Variants in WWOX observed in about 807,000 individuals in gnomAD.
WWOX encodes the protein WW domain containing oxidoreductase.
WWOX carries 69 observed loss-of-function variants against 46.2 expected under a neutral mutation model. That is an observed-to-expected ratio of 1.49 (90% CI 1.23 to 1.82). The LOEUF (loss-of-function observed/expected upper bound fraction) is 1.82, where lower values mean the gene tolerates loss of function less well. Among genes scored for constraint, WWOX ranks in the 40% most tolerant of loss-of-function variants. The pLI is 0.00. For synonymous variants in WWOX, 359 were observed against 202.6 expected (o/e 1.77, Z -6.56); for missense variants, 919 against 542.6 (o/e 1.69, Z -6.89).
chr16:78,584,412 G>T (rs947677989), intron 8 of WWOX, among the ~76,000 whole-genome samples: 1 of 152,112 alleles, frequency 6.6e-6, no homozygotes, highest in African/African-American at 2.4e-5. Context: ...GCAACACGTC[G>T]CTTAATCTCT....
intron 5 of WWOX, among the ~76,000 whole-genome samples, chr16:78,379,422 C>T (rs541327724): frequency 6.6e-6 from 1 of 152,314 alleles, no homozygotes; most frequent in Non-Finnish European, 1.5e-5. Flanking sequence ...ACGTTCAACA[C>T]AGCCATCTAG....
intron 8 of WWOX, among the ~76,000 whole-genome samples, chr16:79,076,972 A>G (rs779238036): frequency 2.6e-5 from 4 of 152,212 alleles, no homozygotes; most frequent in Non-Finnish European, 5.9e-5. Flanking sequence ...TGAGGCTTAA[A>G]GAGGTCAATT....
chr16:78,648,704 C>G (rs2046900219), intron 8 of WWOX, among the ~76,000 whole-genome samples: 1 of 152,174 alleles, frequency 6.6e-6, no homozygotes, highest in African/African-American at 2.4e-5. Flanking sequence ...TCCACAGCCT[C>G]CAATCGGAGC....
At chr16:78,982,975 C>G (rs901553219) in intron 8 of WWOX, among the ~76,000 whole-genome samples, 1 of 152,130 alleles carries the variant, frequency 6.6e-6, no homozygotes. Context: ...GAGAAGCAGT[C>G]TTTGGGGCTG....
intron 5 of WWOX, among the ~76,000 whole-genome samples, chr16:78,314,845 C>T (rs763057942): frequency 6.6e-6 from 1 of 151,948 alleles, no homozygotes; most frequent in East Asian, 1.9e-4. Context: ...AGCCATCACG[C>T]CTGGTGAATG....
intron 8 of WWOX, among the ~76,000 whole-genome samples, chr16:78,796,134 C>T (rs934085873): frequency 2.0e-5 from 3 of 152,232 alleles, no homozygotes; most frequent in Admixed American, 6.5e-5. Flanking sequence ...CGCCCCTTGC[C>T]TTCCTTCCAG....
At chr16:79,188,975 C>T (rs891526009) in intron 8 of WWOX, among the ~76,000 whole-genome samples, 8 of 152,062 alleles carry the variant, frequency 5.3e-5, no homozygotes, top group Non-Finnish European at 8.8e-5. Flanking sequence ...GCATGCAAAT[C>T]TATATTGTGA....
At chr16:78,831,184 G>C (rs965216117) in intron 8 of WWOX, among the ~76,000 whole-genome samples, 4 of 152,132 alleles carry the variant, frequency 2.6e-5, no homozygotes, top group African/African-American at 9.7e-5. Context: ...GACCCTGGCT[G>C]TCTGAGCACC....
At chr16:78,897,273 A>T (rs1597121175) in intron 8 of WWOX, 1 of 150,676 alleles carries the variant, frequency 6.6e-6, no homozygotes, top group African/African-American at 2.4e-5. Context: ...AAAACCAAAA[A>T]AACAAAAACA....
intron 8 of WWOX, among the ~76,000 whole-genome samples, chr16:79,070,976 C>A (rs145032022): frequency 6.6e-6 from 1 of 152,262 alleles, no homozygotes; most frequent in African/African-American, 2.4e-5. Flanking sequence ...CCTCCCTACC[C>A]CCACATACTT....
Position 78,782,665 on chromosome 16 carries a change from T to C in WWOX, c.1056+349913T>C, listed in dbSNP as rs576456205. Among the ~76,000 whole-genome samples the C allele has an allele frequency of 2.0e-5, 3 of 148,904 alleles. No homozygotes were observed. The South Asian group carries it at 6.3e-4, about 32-fold the overall frequency. On this transcript the variant is annotated intron_variant, in intron 8 of 8. Coordinates refer to ENST00000566780, the MANE Select transcript of WWOX (RefSeq NM_016373.4). The stretch of plus-strand genomic sequence containing the variant: ...TTCTTTCCGGTCTTTCTTTTCTATA[T>C]CTTTTTTTTTTTTTTTTTGCATTTT...
intron 8 of WWOX, among the ~76,000 whole-genome samples, chr16:78,924,447 T>C (rs1054893063): frequency 2.0e-5 from 3 of 152,182 alleles, no homozygotes; most frequent in African/African-American, 7.2e-5. Flanking sequence ...AATCCCAGCT[T>C]TGGAGTTAAA....
chr16:78,105,069 G>A (rs541985910), intron 1 of WWOX, among the ~76,000 whole-genome samples: 1 of 152,338 alleles, frequency 6.6e-6, no homozygotes, highest in East Asian at 1.9e-4. Flanking sequence ...GGGGACGGCT[G>A]GCAATGTCTG....
intron 8 of WWOX, among the ~76,000 whole-genome samples, chr16:78,472,480 A>G (rs552624526): frequency 6.6e-4 from 101 of 152,246 alleles, no homozygotes; most frequent in African/African-American, 2.3e-3. Flanking sequence ...AGTATACTTG[A>G]TTTGAAATAT....
intron 8 of WWOX, chr16:79,206,491 G>C (rs409150): frequency 3.3e-5 from 5 of 152,188 alleles, no homozygotes; most frequent in East Asian, 3.9e-4. Flanking sequence ...GGCTCATAGA[G>C]CTCTGTGAGG....
At chr16:78,386,545 A>T (rs1239634813) in intron 5 of WWOX, among the ~76,000 whole-genome samples, 1 of 152,030 alleles carries the variant, frequency 6.6e-6, no homozygotes, top group Non-Finnish European at 1.5e-5. Flanking sequence ...GCGTTTTAGG[A>T]TGCAGATTGA....
chr16:79,182,472 C>G (rs777321385), intron 8 of WWOX, among the ~76,000 whole-genome samples: 4 of 151,872 alleles, frequency 2.6e-5, no homozygotes, highest in Non-Finnish European at 5.9e-5. Flanking sequence ...GGTGTAAGAA[C>G]TCTCTGAGAA....
chr16:78,671,456 C>T (rs970648189), intron 8 of WWOX, among the ~76,000 whole-genome samples: 1 of 152,164 alleles, frequency 6.6e-6, no homozygotes, highest in African/African-American at 2.4e-5. Context: ...AAATAAATTT[C>T]TATTGTTTTA....
At chr16:78,426,197 A>G (rs1219994719) in intron 7 of WWOX, among the ~76,000 whole-genome samples, 11 of 152,210 alleles carry the variant, frequency 7.2e-5, no homozygotes, top group Non-Finnish European at 1.6e-4. Flanking sequence ...TATCTTTGCA[A>G]ATCACACCAG....
Sources: allele counts gnomAD v4.1 joint callset (sites outside exome capture counted in the v4.1 genomes callset), GRCh38; gene constraint gnomAD v4.1.1; transcripts MANE v1.5; gene names NCBI Gene and HGNC (gene_info 2026-07-23, HGNC 2026-07-21).